Variants in KRT74 observed in about 807,000 individuals in gnomAD.
KRT74 encodes keratin, type II cytoskeletal 74.
In KRT74, 43 loss-of-function variants were observed where a neutral mutation model predicts 42.7. The ratio of observed to expected loss-of-function variants is 1.01; its 90% confidence interval spans 0.79 to 1.30. The LOEUF is 1.30. Ranked by LOEUF, KRT74 falls within the 50% of genes most tolerant of loss-of-function variation. The probability of loss-of-function intolerance (pLI) is 0.00; values close to 1 mark genes in which losing one functional copy is unlikely to be tolerated. For missense variants in KRT74, 736 were observed against 689.1 expected, an observed-to-expected ratio of 1.07 and a Z score of -0.76; for synonymous variants, 302 against 279.0, an observed-to-expected ratio of 1.08 and a Z score of -0.82.
At position 52,566,963 on chromosome 12, in the gene KRT74, A is replaced by T; in HGVS notation, c.*6T>A. 6.2e-7 allele frequency: 1 copy of T among 1,607,088 alleles called. No individual in the cohort carries two copies. The highest frequency in any genetic ancestry group is 8.5e-7 in the Non-Finnish European group (1 of 1,175,736). On this transcript the variant is annotated 3_prime_UTR_variant, in exon 9 of 9. Coordinates refer to ENST00000305620, the MANE Select transcript of KRT74 (RefSeq NM_175053.4). ...TCCAAGTGCTGAGGTGGGTGAGGCCATGGGTCTAGCGGGTGGCTTTCCTTG... is the reference window on the plus strand; with the variant it reads ...TCCAAGTGCTGAGGTGGGTGAGGCCTTGGGTCTAGCGGGTGGCTTTCCTTG...
rs1939524778 is a variant in KRT74 at position 52,573,414 on chromosome 12, A to T, written c.364T>A (p.Leu122Met). The change falls in exon 1 of 9, where the codon TTG (leucine) becomes ATG (methionine). Residue 122 changes from leucine (L) to methionine (M), a missense_variant. Leu to Met is a conservative substitution (Grantham distance 15). Transcript: ENST00000305620. ...TCCAGCTCCACGTTGAGGGGGGCCA[A>T]GAGGCTCTTGTTGACAGTGACCTGG... ...IHQVTVNKSL[L>M]APLNVELDPE... The T allele has an allele frequency of 5.0e-6, 8 of 1,614,090 alleles. No individual in the cohort carries two copies. Among genetic ancestry groups the T allele is most frequent in the Non-Finnish European group, 6.8e-6 (8 of 1,180,048 alleles).
At chr12:52,567,250 G>A in intron 8 of KRT74, 82 bp from the exon 9 acceptor site, 13 of 1,215,410 alleles carry the variant, frequency 1.1e-5, no homozygotes, top group Non-Finnish European at 1.3e-5. Flanking sequence ...GTCCCCAAGG[G>A]CTTCTCCACA....
At position 52,573,521 on chromosome 12, in the gene KRT74, G is replaced by T. The variant is rs369065810; in HGVS notation, c.257C>A (p.Ala86Asp). The T allele has an allele frequency of 1.6e-5, 26 of 1,614,100 alleles. No individual in the cohort carries two copies. The African/African-American group carries it at 3.3e-4, about 21-fold the overall frequency. Residue 86 changes from alanine (A) to aspartate (D), a missense_variant, in exon 1 of 9, where the codon GCC (alanine) becomes GAC (aspartate). Transcript: ENST00000305620. ...RPGSGYGGGR[A>D]SGFAGSMFGS... Reference sequence around the variant, plus strand: ...AAACATACTGCCAGCAAAGCCACTGGCCCGGCCCCCTCCATACCCAGAGCC... The same window carrying T: ...AAACATACTGCCAGCAAAGCCACTGTCCCGGCCCCCTCCATACCCAGAGCC...
chr12:52,570,123 G>A (rs1939452653), intron 5 of KRT74, 139 bp from the exon 6 acceptor site: 5 of 936,862 alleles, frequency 5.3e-6, no homozygotes, highest in South Asian at 2.8e-5. Flanking sequence ...GGTCCTGGGG[G>A]CCCAGGTAAG....
intron 8 of KRT74, 60 bp downstream of exon 8, chr12:52,567,599 A>T (rs1211990781): frequency 8.1e-7 from 1 of 1,236,810 alleles, no homozygotes; most frequent in Non-Finnish European, 1.2e-6. Context: ...TGGAGGTGAC[A>T]TCACTTTGTC....
chr12:52,573,012 C>G (rs996281540), intron 1 of KRT74, among the ~76,000 whole-genome samples: 1 of 152,208 alleles, frequency 6.6e-6, no homozygotes, highest in African/African-American at 2.4e-5. Context: ...ATTAGCCTTT[C>G]ATGTTCTTGG....
rs911141363 is a variant in KRT74 at position 52,573,288 on chromosome 12, C to T, written c.471+19G>A. The stretch of plus-strand genomic sequence containing the variant: ...TCAGGCCTCAGGGTGCGGCCTCATC[C>T]TCCTCCTATGAGACCCACCTTGTCA... On this transcript the variant is annotated intron_variant, in intron 1 of 8. Transcript: ENST00000305620. 1.2e-5 allele frequency: 20 copies of T among 1,610,022 alleles called. No homozygotes were observed. The highest frequency in any genetic ancestry group is 1.7e-5 in the Non-Finnish European group (20 of 1,176,372).
At position 52,568,254 on chromosome 12, in the gene KRT74, C is replaced by A. The variant is rs57711382; in HGVS notation, c.1270G>T (p.Glu424Ter). Residue 424 changes from glutamate (E) to a stop codon, truncating the protein, a stop_gained, in exon 7 of 9, where the codon GAG becomes TAG. Transcript: ENST00000305620. LOFTEE classifies it high-confidence loss of function. ...TTCAGGCTCATGAGCTCCTGGTACTCGCGCAGCATCCGCGCCAGCTCCTCC... is the reference window on the plus strand; with the variant it reads ...TTCAGGCTCATGAGCTCCTGGTACTAGCGCAGCATCCGCGCCAGCTCCTCC... ...AKEELARMLR[E>*]YQELMSLKLA... 6.2e-7 allele frequency: 1 copy of A among 1,614,050 alleles called. No individual in the cohort carries two copies. Among genetic ancestry groups the A allele is most frequent in the African/African-American group, 1.3e-5 (1 of 74,904 alleles).
chr12:52,567,831 T>A, intron 7 of KRT74, 138 bp from the exon 8 acceptor site: 1 of 742,052 alleles, frequency 1.3e-6, no homozygotes, highest in Non-Finnish European at 2.4e-6. Flanking sequence ...ATCGCCTTCA[T>A]CTTACAGATG....
intron 3 of KRT74, 140 bp from the exon 4 acceptor site, chr12:52,571,594 C>T: frequency 1.4e-6 from 1 of 712,672 alleles, no homozygotes; most frequent in Non-Finnish European, 2.5e-6. Flanking sequence ...TCTTCTCAGG[C>T]TGCCTGAAGC....
intron 6 of KRT74, among the ~76,000 whole-genome samples, chr12:52,568,800 T>C (rs574418272): frequency 6.6e-5 from 10 of 152,182 alleles, no homozygotes; most frequent in Admixed American, 1.3e-4. Flanking sequence ...CCTCTCCCCA[T>C]TGGGGATCCT....
Position 52,566,434 on chromosome 12 carries a change from G to T in KRT74, c.*535C>A, listed in dbSNP as rs990757672. The T allele has an allele frequency of 6.6e-6, 1 of 152,476 alleles. No individual in the cohort carries two copies. The highest frequency in any genetic ancestry group is 2.4e-5 in the African/African-American group (1 of 41,444). The allele number at this position is 152,476 out of a possible 1,614,324, so 9.4% of individuals were successfully genotyped here. On this transcript the variant is annotated 3_prime_UTR_variant, in exon 9 of 9. Transcript: ENST00000305620. ...ACTTGGCTTTGTGGAGATGGGTGCA[G>T]CTGGTGGTCTACAGATGTACACGTG...
Position 52,566,715 on chromosome 12 carries a change from C to T in KRT74, c.*254G>A. On this transcript the variant is annotated 3_prime_UTR_variant, in exon 9 of 9. Transcript: ENST00000305620. The stretch of plus-strand genomic sequence containing the variant: ...GCCAAGAAGGTTATAATGGCTTGTG[C>T]CTCCAAAGCCTCCTGCCAGCCAAAG... 1 of 418,446 alleles carries T rather than the reference C, an allele frequency of 2.4e-6. No individual in the cohort carries two copies. Among genetic ancestry groups the T allele is most frequent in the Non-Finnish European group, 4.3e-6 (1 of 235,094 alleles). The allele number at this position is 418,446 out of a possible 1,614,324, so 25.9% of individuals were successfully genotyped here.
Position 52,569,844 on chromosome 12 carries a change from G to A in KRT74, c.1134+15C>T, listed in dbSNP as rs750451882. On this transcript the variant is annotated intron_variant, in intron 6 of 8. Coordinates refer to ENST00000305620, the MANE Select transcript of KRT74 (RefSeq NM_175053.4). Reference sequence around the variant, plus strand: ...GCTGTGGAGACCGGGAGTTCTTTGTGGGGCTGCTGCCCACCTGCTTCTTCA... The same window carrying A: ...GCTGTGGAGACCGGGAGTTCTTTGTAGGGCTGCTGCCCACCTGCTTCTTCA... 6.2e-7 allele frequency: 1 copy of A among 1,614,058 alleles called. No homozygotes were observed. Among genetic ancestry groups the A allele is most frequent in the South Asian group, 1.1e-5 (1 of 91,082 alleles).
At chr12:52,569,432 C>T (rs929607892) in intron 6 of KRT74, 2 of 603,692 alleles carry the variant, frequency 3.3e-6, no homozygotes. Context: ...CTGCACCCCA[C>T]ACATGTTCCA....
chr12:52,566,629 C>T lies in KRT74; in HGVS notation c.*340G>A. On this transcript the variant is annotated 3_prime_UTR_variant, in exon 9 of 9. Transcript: ENST00000305620. ...TTGGCCTAAGCACAGAACAAACCAG[C>T]CCCTCCCCTGTCGTCTCCTGCTCCT... 3.8e-6 allele frequency: 1 copy of T among 262,946 alleles called. No homozygotes were observed. The highest frequency in any genetic ancestry group is 7.2e-6 in the Non-Finnish European group (1 of 139,398). The allele number at this position is 262,946 out of a possible 1,614,324, so 16.3% of individuals were successfully genotyped here.
In KRT74 at chr12:52,567,043, G is replaced by C. The variant is rs537654110; in HGVS notation, c.1516C>G (p.Arg506Gly). The C allele has an allele frequency of 6.3e-7, 1 of 1,599,506 alleles. No homozygotes were observed. The highest frequency in any genetic ancestry group is 8.5e-7 in the Non-Finnish European group (1 of 1,170,800). ...TGGGTGTCCTTGAGGTCTCCCCCTCGCGCCTCTGTGGTCTTGGTCTGCCCG... is the reference window on the plus strand; with the variant it reads ...TGGGTGTCCTTGAGGTCTCCCCCTCCCGCCTCTGTGGTCTTGGTCTGCCCG... ...QSGQTKTTEA[R>G]GGDLKDTQGK... Residue 506 changes from arginine to glycine, a missense_variant, in exon 9 of 9, where the codon CGA becomes GGA. Physicochemically the swap from Arg to Gly is moderately radical, Grantham distance 125. Transcript: ENST00000305620.
chr12:52,567,182 G>A lies in KRT74; in HGVS notation c.1391-14C>T, dbSNP rs536364243. 2.5e-6 allele frequency: 4 copies of A among 1,571,004 alleles called. No homozygotes were observed. The highest frequency in any genetic ancestry group is 2.6e-6 in the Non-Finnish European group (3 of 1,153,846). On this transcript the variant is annotated splice_polypyrimidine_tract_variant and intron_variant, in intron 8 of 8. Coordinates refer to ENST00000305620, the MANE Select transcript of KRT74 (RefSeq NM_175053.4). Reference sequence around the variant, plus strand: ...TGCTGATGACAGCTGAGGAGGAGGGGCCAAGAGCAGGGGAGAGGAGCAGTG... The same window carrying A: ...TGCTGATGACAGCTGAGGAGGAGGGACCAAGAGCAGGGGAGAGGAGCAGTG...
intron 5 of KRT74, 116 bp downstream of exon 5, chr12:52,570,553 T>G: frequency 8.7e-7 from 1 of 1,144,620 alleles, no homozygotes. Context: ...GAAGCCTTGG[T>G]TGGAACCTTT....
Sources: gnomAD v4.1 joint callset for allele counts (sites outside exome capture counted in the v4.1 genomes callset) on GRCh38, gnomAD v4.1.1 for gene constraint, MANE v1.5 for transcripts, NCBI Gene and HGNC (gene_info 2026-07-23, HGNC 2026-07-21) for gene names.